ARID1B: variants seen among roughly 807,000 people sequenced by gnomAD.
ARID1B encodes AT-rich interactive domain-containing protein 1B.
In ARID1B, 30 loss-of-function variants were observed where a neutral mutation model predicts 212.3. The observed-to-expected ratio is 0.14, with a 90% CI of 0.11 to 0.19. The LOEUF is 0.19. Among genes scored for constraint, ARID1B ranks in the 10% least tolerant of loss-of-function variants. The pLI is 1.00. For synonymous variants in ARID1B, 1,402 were observed against 1,301.7 expected, an observed-to-expected ratio of 1.08 and a Z score of -1.66; for missense variants, 2,891 against 3,204.0, an observed-to-expected ratio of 0.90 and a Z score of 2.36.
intron 4 of ARID1B, among the ~76,000 whole-genome samples, chr6:157,077,530 C>G (rs1460248296): frequency 1.3e-5 from 2 of 152,144 alleles, no homozygotes; most frequent in Non-Finnish European, 2.9e-5. Flanking sequence ...GCCCTTTGTG[C>G]CTTTGTGGAT....
At chr6:157,135,813 A>G (rs1583374584) in intron 7 of ARID1B, among the ~76,000 whole-genome samples, 1 of 152,052 alleles carries the variant, frequency 6.6e-6, no homozygotes, top group Non-Finnish European at 1.5e-5. Flanking sequence ...TTGATTAACT[A>G]CTCAGATTAT....
At chr6:156,954,601 T>C (rs975770832) in intron 4 of ARID1B, among the ~76,000 whole-genome samples, 15 of 152,212 alleles carry the variant, frequency 9.9e-5, no homozygotes, top group African/African-American at 3.6e-4. Flanking sequence ...TATGAGGTAT[T>C]TTATTTGTGG....
chr6:156,980,140 T>G (rs1450116766), intron 4 of ARID1B, among the ~76,000 whole-genome samples: 1 of 152,184 alleles, frequency 6.6e-6, no homozygotes, highest in African/African-American at 2.4e-5. Context: ...TTGTAATGCT[T>G]AGATCCGTAG....
At chr6:157,113,972 G>A (rs1255281620) in intron 6 of ARID1B, among the ~76,000 whole-genome samples, 2 of 152,168 alleles carry the variant, frequency 1.3e-5, no homozygotes, top group Admixed American at 6.5e-5. Context: ...CTAAATGACA[G>A]TGACTTTAGT....
chr6:156,800,642 C>T (rs1377076063), intron 1 of ARID1B, among the ~76,000 whole-genome samples: 1 of 152,020 alleles, frequency 6.6e-6, no homozygotes, highest in Non-Finnish European at 1.5e-5. Context: ...CATGGTGGCT[C>T]ATACCTGTAA....
In ARID1B at chr6:157,207,091, G is replaced by C; in HGVS notation, c.6319G>C (p.Glu2107Gln). 6.2e-7 allele frequency: 1 copy of C among 1,614,196 alleles called. No homozygotes were observed. The highest frequency in any genetic ancestry group is 8.5e-7 in the Non-Finnish European group (1 of 1,180,046). Reference protein sequence around the residue: ...ILGKLILLHHEHPERKRAPQT... With the variant: ...ILGKLILLHHQHPERKRAPQT... The stretch of plus-strand genomic sequence containing the variant: ...GGGGAAGCTGATTCTTCTTCACCAC[G>C]AGCATCCAGAGAGAAAGCGAGCACC... The change falls in exon 20 of 20, where the codon GAG becomes CAG. Residue 2107 changes from glutamate to glutamine, a missense_variant. Transcript: ENST00000636930. The surrounding 1 kb of genome is among the most constrained non-coding windows in gnomAD (Gnocchi z 8.5).
At chr6:157,088,783 A>G (rs991055464) in intron 5 of ARID1B, among the ~76,000 whole-genome samples, 1 of 152,302 alleles carries the variant, frequency 6.6e-6, no homozygotes, top group Admixed American at 6.5e-5. Flanking sequence ...GTGTGTATCT[A>G]TACATCAGAT....
intron 9 of ARID1B, chr6:157,173,532 C>T (rs1791867387): frequency 6.6e-6 from 1 of 152,528 alleles, no homozygotes; most frequent in Admixed American, 6.5e-5. Flanking sequence ...ATAAGGTTTT[C>T]AAAAGAAACA....
Position 157,200,224 on chromosome 6 carries a change from C to T in ARID1B, c.4480-481C>T, listed in dbSNP as rs973601598. 3.9e-5 allele frequency among the ~76,000 whole-genome samples: 6 copies of T among 152,110 alleles called. No homozygotes were observed. The highest frequency in any genetic ancestry group is 8.8e-5 in the Non-Finnish European group (6 of 68,004). ...GCCGTGGGATGGATGTTGGGTGACACGGGCCAGTCTGGGGAGCCGAGTCCT... is the reference window on the plus strand; with the variant it reads ...GCCGTGGGATGGATGTTGGGTGACATGGGCCAGTCTGGGGAGCCGAGTCCT... On this transcript the variant is annotated intron_variant, in intron 17 of 19. Transcript: ENST00000636930. The surrounding 1 kb of genome is among the most constrained non-coding windows in gnomAD (Gnocchi z 4.3).
At chr6:157,105,686 C>T (rs1786417491) in intron 5 of ARID1B, among the ~76,000 whole-genome samples, 1 of 152,134 alleles carries the variant, frequency 6.6e-6, no homozygotes, top group African/African-American at 2.4e-5. Flanking sequence ...ACTGCAACCT[C>T]CGCCTCCCGG....
intron 4 of ARID1B, among the ~76,000 whole-genome samples, chr6:156,952,482 G>A (rs557643274): frequency 6.6e-6 from 1 of 152,352 alleles, no homozygotes; most frequent in African/African-American, 2.4e-5. Flanking sequence ...GGACACTGAG[G>A]CTGGCTTGAT....
At chr6:156,880,913 A>C (rs1012937952) in intron 2 of ARID1B, among the ~76,000 whole-genome samples, 1 of 152,184 alleles carries the variant, frequency 6.6e-6, no homozygotes, top group Non-Finnish European at 1.5e-5. Flanking sequence ...TTTCTTGTGT[A>C]ATCCATGTTC....
At chr6:156,912,345 A>T (rs559230113) in intron 3 of ARID1B, among the ~76,000 whole-genome samples, 4 of 146,598 alleles carry the variant, frequency 2.7e-5, no homozygotes, top group Admixed American at 7.0e-5. Flanking sequence ...GCCCATCATT[A>T]TACTCGCCCT....
At chr6:157,004,378 G>T (rs907760309) in intron 4 of ARID1B, among the ~76,000 whole-genome samples, 2 of 152,182 alleles carry the variant, frequency 1.3e-5, no homozygotes, top group African/African-American at 2.4e-5. Flanking sequence ...TCATTTTGCA[G>T]CCCTGAAATG....
chr6:156,780,252 A>G lies in ARID1B; in HGVS notation c.1791+781A>G, dbSNP rs546953479. On this transcript the variant is annotated intron_variant, in intron 1 of 19. Coordinates refer to ENST00000636930, the MANE Select transcript of ARID1B (RefSeq NM_001374828.1). ...TGTGAAAGGAGCACGTTCCGGATCA[A>G]TTGAACTTATTTTGATCATGGATTA... 4.6e-5 allele frequency: 7 copies of G among 152,362 alleles called. No individual in the cohort carries two copies. The South Asian group carries it at 1.0e-3, about 23-fold the overall frequency. 9.4% of individuals were successfully genotyped at this position (152,362 alleles called of 1,614,324 possible). A position where few individuals can be genotyped will look rare whatever the true frequency, so the allele number is the denominator to read the frequency against.
At chr6:157,042,117 C>T (rs1185137668) in intron 4 of ARID1B, among the ~76,000 whole-genome samples, 2 of 152,174 alleles carry the variant, frequency 1.3e-5, no homozygotes, top group Non-Finnish European at 2.9e-5. Context: ...CGCTAATACC[C>T]CACGTTACAC....
intron 2 of ARID1B, among the ~76,000 whole-genome samples, chr6:156,858,019 C>T (rs1189185775): frequency 6.6e-6 from 1 of 152,222 alleles, no homozygotes; most frequent in African/African-American, 2.4e-5. Flanking sequence ...ATGTGGTACA[C>T]AGACAGTAGA....
chr6:156,894,736 C>T (rs1788248466), intron 2 of ARID1B, among the ~76,000 whole-genome samples: 1 of 152,166 alleles, frequency 6.6e-6, no homozygotes, highest in South Asian at 2.1e-4. Context: ...GTGATAGAAA[C>T]TGGGGCGTGT....
At chr6:157,012,439 G>A (rs1455524829) in intron 4 of ARID1B, among the ~76,000 whole-genome samples, 1 of 152,222 alleles carries the variant, frequency 6.6e-6, no homozygotes, top group East Asian at 1.9e-4. Flanking sequence ...TAAGAACAAA[G>A]TCACTTAGAT....
Sources: gnomAD v4.1 joint callset for allele counts (sites outside exome capture counted in the v4.1 genomes callset) on GRCh38, gnomAD v4.1.1 for gene constraint, Gnocchi (gnomAD v3.1) non-coding constraint, MANE v1.5 for transcripts, NCBI Gene and HGNC (gene_info 2026-07-23, HGNC 2026-07-21) for gene names.